Variants in STK17A observed in about 807,000 individuals in gnomAD.
The protein encoded by STK17A is serine/threonine kinase 17a, also known as serine/threonine-protein kinase 17A.
STK17A carries 26 observed loss-of-function variants against 43.7 expected under a neutral mutation model. That is an observed-to-expected ratio of 0.60 (90% CI 0.44 to 0.83). The LOEUF (loss-of-function observed/expected upper bound fraction) is 0.83. STK17A is among the 40% of genes least tolerant of loss of function. The pLI is 0.00. For missense variants in STK17A, 476 were observed against 511.6 expected (o/e 0.93, Z 0.67); for synonymous variants, 191 against 182.5 (o/e 1.05, Z -0.38).
At chr7:43,585,464 ATATCT>A (rs1290854997) in intron 1 of STK17A, among the ~76,000 whole-genome samples, 1 of 151,544 alleles carries the variant, frequency 6.6e-6, no homozygotes, top group African/African-American at 2.4e-5. Flanking sequence ...TATCTTCTAC[ATATCT>A]TTTCTTACAT....
chr7:43,583,467 C>G lies in STK17A; in HGVS notation c.206+18C>G. 1 of 1,295,910 alleles carries G rather than the reference C, an allele frequency of 7.7e-7. No homozygotes were observed. Among genetic ancestry groups the G allele is most frequent in the Non-Finnish European group, 9.8e-7 (1 of 1,023,944 alleles). 80.3% of individuals were successfully genotyped at this position (1,295,910 alleles called of 1,614,324 possible). A position where few individuals can be genotyped will look rare whatever the true frequency, so the allele number is the denominator to read the frequency against. ...CTGGGCAGGTGAGGACGGGCGGGGC[C>G]CGGCGCGGAACCTTCCCGGACGCGC... On this transcript the variant is annotated intron_variant, in intron 1 of 6. Coordinates refer to ENST00000319357, the MANE Select transcript of STK17A (RefSeq NM_004760.3).
chr7:43,605,470 CT>C (rs1244111123), intron 2 of STK17A, among the ~76,000 whole-genome samples: 1 of 152,074 alleles, frequency 6.6e-6, no homozygotes, highest in African/African-American at 2.4e-5. Context: ...TACCCTTGTT[CT>C]TTGTGAACAC....
At chr7:43,590,393 A>G (rs1182223548) in intron 1 of STK17A, among the ~76,000 whole-genome samples, 1 of 151,382 alleles carries the variant, frequency 6.6e-6, no homozygotes, top group East Asian at 1.9e-4. Context: ...TGATAATGCA[A>G]AGGACTTAGG....
intron 1 of STK17A, among the ~76,000 whole-genome samples, chr7:43,593,719 GT>G (rs1036750909): frequency 1.4e-5 from 2 of 145,638 alleles, no homozygotes; most frequent in African/African-American, 2.5e-5. Flanking sequence ...CAATGAGGTT[GT>G]TTTTTTTTCT....
At chr7:43,589,937 A>AATTTTATTTT (rs60703469) in intron 1 of STK17A, among the ~76,000 whole-genome samples, 10,069 of 103,718 alleles carry the variant, frequency 0.097, 632 homozygotes, top group East Asian at 0.2. Context: ...TTTTAATTTT[A>AATTTTATTTT]ATTTTATTTT....
chr7:43,584,778 TG>T (rs1430631901), intron 1 of STK17A, among the ~76,000 whole-genome samples: 3 of 152,236 alleles, frequency 2.0e-5, no homozygotes, highest in Non-Finnish European at 4.4e-5. Flanking sequence ...TTTACTTCAC[TG>T]CTAGGCCCTA....
chr7:43,584,939 A>G (rs563698009), intron 1 of STK17A, among the ~76,000 whole-genome samples: 3 of 152,340 alleles, frequency 2.0e-5, no homozygotes, highest in Non-Finnish European at 4.4e-5. Context: ...GCTCACGCCC[A>G]TAATCCCAGC....
In STK17A at chr7:43,586,066, T is replaced by A. The variant is rs1475568054; in HGVS notation, c.206+2617T>A. Among the ~76,000 whole-genome samples, 2 of 151,688 alleles carry A rather than the reference T, an allele frequency of 1.3e-5. 1 individual carries two copies. The highest frequency in any genetic ancestry group is 3.0e-5 in the Non-Finnish European group (2 of 67,700). ...TCTTTGATAAGATAGAAAACCTATTTTTCCAACAATTAACTCTGGTTGCAT... is the reference window on the plus strand; with the variant it reads ...TCTTTGATAAGATAGAAAACCTATTATTCCAACAATTAACTCTGGTTGCAT... On this transcript the variant is annotated intron_variant, in intron 1 of 6. Coordinates refer to ENST00000319357, the MANE Select transcript of STK17A (RefSeq NM_004760.3).
intron 3 of STK17A, among the ~76,000 whole-genome samples, chr7:43,612,235 T>G (rs1156800067): frequency 6.6e-6 from 1 of 152,206 alleles, no homozygotes; most frequent in Non-Finnish European, 1.5e-5. Flanking sequence ...TTCTCAGCCT[T>G]CCTTCTGCCT....
intron 4 of STK17A, chr7:43,622,941 A>T (rs1413676848): frequency 1.3e-5 from 2 of 152,384 alleles, no homozygotes; most frequent in East Asian, 3.8e-4. Flanking sequence ...GGTTCAAGCG[A>T]TCCTCCTGCC....
chr7:43,606,347 C>G (rs1041977859), intron 2 of STK17A, among the ~76,000 whole-genome samples: 6 of 152,124 alleles, frequency 3.9e-5, no homozygotes, highest in African/African-American at 1.4e-4. Flanking sequence ...AGGCGGGAAG[C>G]TATGATACAG....
At chr7:43,616,500 A>T (rs2083357809) in intron 3 of STK17A, among the ~76,000 whole-genome samples, 1 of 152,192 alleles carries the variant, frequency 6.6e-6, no homozygotes, top group Non-Finnish European at 1.5e-5. Flanking sequence ...GAAGCTGTAG[A>T]TTCTTCCCGT....
At chr7:43,613,908 G>A (rs149152312) in intron 3 of STK17A, among the ~76,000 whole-genome samples, 177 of 152,194 alleles carry the variant, frequency 1.2e-3, no homozygotes, top group African/African-American at 4.1e-3. Flanking sequence ...CAGAAGCTGG[G>A]ACTTTCCATA....
At chr7:43,622,957 C>T (rs1408139576) in intron 4 of STK17A, 1 of 152,396 alleles carries the variant, frequency 6.6e-6, no homozygotes, top group Non-Finnish European at 1.5e-5. Context: ...CTGCCTTGGC[C>T]TTGCAAAGTG....
In STK17A at chr7:43,627,252, AGG is replaced by A. The variant is rs1421565330; in HGVS notation, c.*2411_*2412del. 2.6e-5 allele frequency among the ~76,000 whole-genome samples: 4 copies of A among 152,244 alleles called. No homozygotes were observed. Among genetic ancestry groups the A allele is most frequent in the Non-Finnish European group, 2.9e-5 (2 of 68,046 alleles). On this transcript the variant is annotated 3_prime_UTR_variant, in exon 7 of 7. Coordinates refer to ENST00000319357, the MANE Select transcript of STK17A (RefSeq NM_004760.3). ...GTTTTGTTGTTTTCAAATGAAAACT[AGG>A]AGGTAATTAATACCTTTCTCTAGTA...
intron 3 of STK17A, among the ~76,000 whole-genome samples, chr7:43,618,168 G>C (rs889621150): frequency 6.6e-6 from 1 of 152,190 alleles, no homozygotes; most frequent in Admixed American, 6.5e-5. Context: ...GAACAATAGA[G>C]TAAGCATGCT....
intron 3 of STK17A, among the ~76,000 whole-genome samples, chr7:43,618,487 C>G (rs1345976483): frequency 6.6e-6 from 1 of 152,094 alleles, no homozygotes; most frequent in Non-Finnish European, 1.5e-5. Context: ...AGCAGGGGCC[C>G]AATCTTAAAA....
rs1488688983 is a variant in STK17A at position 43,583,378 on chromosome 7, G to C, written c.135G>C (p.Glu45Asp). ...CCCAGGCCCGCGGGCTGCTGACAGA[G>C]ATACGCGCCGTGGTGCGCACCGAGC... ...PPPQARGLLT[E>D]IRAVVRTEPF... The change falls in exon 1 of 7, where the codon GAG becomes GAC. Residue 45 changes from glutamate (E) to aspartate (D), a missense_variant. Physicochemically the swap from Glu to Asp is conservative, Grantham distance 45. This residue lies in a region of STK17A where 320 missense variants were observed against 326.3 expected (regional missense o/e 0.98). Coordinates refer to ENST00000319357, the MANE Select transcript of STK17A (RefSeq NM_004760.3). 11 of 1,449,116 alleles carry C rather than the reference G, an allele frequency of 7.6e-6. No homozygotes were observed. The highest frequency in any genetic ancestry group is 1.0e-5 in the Non-Finnish European group (11 of 1,098,702). The allele number at this position is 1,449,116 out of a possible 1,614,324, so 89.8% of individuals were successfully genotyped here. A position where few individuals can be genotyped will look rare whatever the true frequency, so the allele number is the denominator to read the frequency against.
chr7:43,614,202 A>C (rs1161897972), intron 3 of STK17A, among the ~76,000 whole-genome samples: 1 of 152,178 alleles, frequency 6.6e-6, no homozygotes, highest in Non-Finnish European at 1.5e-5. Context: ...CGTTAAATGG[A>C]TTATGTACAA....
Sources: allele counts gnomAD v4.1 joint callset (sites outside exome capture counted in the v4.1 genomes callset), GRCh38; gene constraint gnomAD v4.1.1; regional missense constraint gnomAD v4.1.1; transcripts MANE v1.5; gene names NCBI Gene and HGNC (gene_info 2026-07-23, HGNC 2026-07-21).